Variants in GMEB1 observed in about 807,000 individuals in gnomAD.
GMEB1 encodes glucocorticoid modulatory element binding protein 1.
Under a neutral mutation model 52.4 loss-of-function variants are expected in GMEB1, and 6 were observed. That is an observed-to-expected ratio of 0.11 (90% CI 0.06 to 0.23). GMEB1 has a LOEUF of 0.23. Among genes scored for constraint, GMEB1 ranks in the 10% least tolerant of loss-of-function variants. The probability of loss-of-function intolerance (pLI) is 1.00; values close to 1 mark genes in which losing one functional copy is unlikely to be tolerated. For synonymous variants in GMEB1, 255 were observed against 244.9 expected (o/e 1.04, Z -0.38); for missense variants, 486 against 685.6 (o/e 0.71, Z 3.25).
chr1:28,704,748 C>T (rs921365175), intron 8 of GMEB1, among the ~76,000 whole-genome samples: 15 of 152,028 alleles, frequency 9.9e-5, no homozygotes, highest in African/African-American at 3.4e-4. Flanking sequence ...GCTGGGATTA[C>T]AGGCGCCCAC....
chr1:28,703,331 T>C (rs1323646747), intron 7 of GMEB1, among the ~76,000 whole-genome samples: 1 of 152,160 alleles, frequency 6.6e-6, no homozygotes, highest in Non-Finnish European at 1.5e-5. Context: ...TTATTGCCTA[T>C]TTTTAGTTGG....
rs185597041 is a variant in GMEB1 at position 28,703,648 on chromosome 1, G to A, written c.731-544G>A. Among the ~76,000 whole-genome samples the A allele has an allele frequency of 4.6e-4, 70 of 151,520 alleles. No homozygotes were observed. In the East Asian group the frequency reaches 9.7e-3, roughly 21 times the overall value. ...GCACTCCAGCCTGGGCAACAAGAAC[G>A]AAACTCTGTTCTCAGAAAAAAAATA... On this transcript the variant is annotated intron_variant, in intron 7 of 9. Transcript: ENST00000373816.
At chr1:28,689,307 T>C (rs901164036) in intron 2 of GMEB1, among the ~76,000 whole-genome samples, 18 of 152,096 alleles carry the variant, frequency 1.2e-4, no homozygotes, top group African/African-American at 4.1e-4. Flanking sequence ...ATTACAGGTG[T>C]GAGCCACCAT....
intron 1 of GMEB1, among the ~76,000 whole-genome samples, chr1:28,674,445 G>A (rs1341798636): frequency 6.6e-6 from 1 of 152,012 alleles, no homozygotes; most frequent in Admixed American, 6.6e-5. Context: ...TGTTCCCCAT[G>A]TACAAAGGCA....
chr1:28,694,710 C>T (rs1670119184), intron 5 of GMEB1, among the ~76,000 whole-genome samples: 1 of 151,534 alleles, frequency 6.6e-6, no homozygotes, highest in Admixed American at 6.6e-5. Flanking sequence ...GCTGTGTCGC[C>T]CAGGCTGCAG....
chr1:28,696,909 T>C lies in GMEB1; in HGVS notation c.441-18T>C, dbSNP rs1189479701. The C allele has an allele frequency of 6.3e-7, 1 of 1,588,438 alleles. No homozygotes were observed. The highest frequency in any genetic ancestry group is 8.6e-7 in the Non-Finnish European group (1 of 1,163,838). On this transcript the variant is annotated intron_variant, in intron 5 of 9. Transcript: ENST00000373816. ...GAAGTATAGGCTGAACTGGTACTTCTTGTCTCCCTTTGCACAGGAAAATGA... is the reference window on the plus strand; with the variant it reads ...GAAGTATAGGCTGAACTGGTACTTCCTGTCTCCCTTTGCACAGGAAAATGA...
At position 28,717,555 on chromosome 1, in the gene GMEB1, G is replaced by A. The variant is rs1671307418; in HGVS notation, c.*2782G>A. 1 of 152,200 alleles carries A rather than the reference G, an allele frequency of 6.6e-6. No individual in the cohort carries two copies. Among genetic ancestry groups the A allele is most frequent in the Non-Finnish European group, 1.5e-5 (1 of 68,038 alleles). The allele number at this position is 152,200 out of a possible 1,614,324, so 9.4% of individuals were successfully genotyped here. ...AGTTGTAGATTTCAGTTTTTAAATA[G>A]TCTGGGGTTTTATTTTTCTTTTCAA... On this transcript the variant is annotated 3_prime_UTR_variant, in exon 10 of 10. Coordinates refer to ENST00000373816, the MANE Select transcript of GMEB1 (RefSeq NM_001319674.2).
chr1:28,708,589 G>A (rs1374588847), intron 8 of GMEB1, among the ~76,000 whole-genome samples: 2 of 151,966 alleles, frequency 1.3e-5, no homozygotes, highest in Non-Finnish European at 1.5e-5. Flanking sequence ...AGCCTCCCAA[G>A]TTGCTGGGAC....
At chr1:28,669,330 G>A (rs1395487186) in intron 1 of GMEB1, among the ~76,000 whole-genome samples, 1 of 152,050 alleles carries the variant, frequency 6.6e-6, no homozygotes. Flanking sequence ...CGGGCCCTTG[G>A]ATGAGGAGCT....
At chr1:28,680,744 AAAAG>A (rs1478311183) in intron 1 of GMEB1, among the ~76,000 whole-genome samples, 1 of 151,652 alleles carries the variant, frequency 6.6e-6, no homozygotes, top group East Asian at 1.9e-4. Flanking sequence ...TTAAAAAAAA[AAAAG>A]AAAAGCAATC....
At chr1:28,669,501 G>A (rs1428860771) in intron 1 of GMEB1, among the ~76,000 whole-genome samples, 2 of 152,020 alleles carry the variant, frequency 1.3e-5, no homozygotes, top group African/African-American at 2.4e-5. Context: ...CGAGGGGCGC[G>A]GTAGAGGCCT....
intron 1 of GMEB1, among the ~76,000 whole-genome samples, chr1:28,671,554 AC>A (rs1317553549): frequency 6.6e-6 from 1 of 152,116 alleles, no homozygotes; most frequent in African/African-American, 2.4e-5. Context: ...AGCTTGGGCA[AC>A]ATGGTGAAAC....
chr1:28,708,305 C>T (rs1553139737), intron 8 of GMEB1, among the ~76,000 whole-genome samples: 1 of 151,826 alleles, frequency 6.6e-6, no homozygotes, highest in Non-Finnish European at 1.5e-5. Flanking sequence ...GCTGGTACTA[C>T]AGGTGCCTGC....
intron 1 of GMEB1, 150 bp from the exon 2 acceptor site, chr1:28,683,433 C>T: frequency 1.8e-6 from 1 of 558,452 alleles, no homozygotes; most frequent in Non-Finnish European, 3.1e-6. Context: ...CCATGTTGGT[C>T]AGGCTGGTCT....
At chr1:28,681,823 C>T (rs1669403492) in intron 1 of GMEB1, among the ~76,000 whole-genome samples, 1 of 152,082 alleles carries the variant, frequency 6.6e-6, no homozygotes, top group South Asian at 2.1e-4. Flanking sequence ...CTGCCTCAGC[C>T]TCTCAAGTAG....
chr1:28,683,819 T>C, intron 2 of GMEB1, 79 bp downstream of exon 2: 5 of 1,357,872 alleles, frequency 3.7e-6, no homozygotes, highest in Non-Finnish European at 5.2e-6. Flanking sequence ...TTATGGTTGC[T>C]TAGCACAATG....
chr1:28,680,044 G>C (rs1669327191), intron 1 of GMEB1, among the ~76,000 whole-genome samples: 1 of 151,986 alleles, frequency 6.6e-6, no homozygotes, highest in Admixed American at 6.6e-5. Context: ...CCGACCTCAG[G>C]TGATCCGCCT....
chr1:28,687,375 C>CAAAAAAAAAA lies in GMEB1; in HGVS notation c.129-2728_129-2727insAAAAAAAAAA, dbSNP rs1442461404. On this transcript the variant is annotated intron_variant, in intron 2 of 9. Coordinates refer to ENST00000373816, the MANE Select transcript of GMEB1 (RefSeq NM_001319674.2). ...ACACACACACACACACACACACACACACACACACACACAAAAAAAGACAGT... is the reference window on the plus strand; with the variant it reads ...ACACACACACACACACACACACACACAAAAAAAAAAACACACACACACAAAAAAAGACAGT... 6.8e-4 allele frequency among the ~76,000 whole-genome samples: 13 copies of CAAAAAAAAAA among 19,182 alleles called. 3 individuals are homozygous for CAAAAAAAAAA. The highest frequency in any genetic ancestry group is 5.3e-3 in the South Asian group (2 of 376). 12.6% of individuals were successfully genotyped at this position (19,182 alleles called of 152,430 possible). A position where few individuals can be genotyped will look rare whatever the true frequency, so the allele number is the denominator to read the frequency against.
chr1:28,670,639 A>T (rs985558333), intron 1 of GMEB1, among the ~76,000 whole-genome samples: 1 of 150,730 alleles, frequency 6.6e-6, no homozygotes, highest in Non-Finnish European at 1.5e-5. Flanking sequence ...AACCAGGCTA[A>T]TTTTTTTGTG....
Sources: gnomAD v4.1 joint callset for allele counts (sites outside exome capture counted in the v4.1 genomes callset) on GRCh38, gnomAD v4.1.1 for gene constraint, MANE v1.5 for transcripts, NCBI Gene and HGNC (gene_info 2026-07-23, HGNC 2026-07-21) for gene names.